NDUFS1: variants seen among roughly 807,000 people sequenced by gnomAD.
The protein encoded by NDUFS1 is NADH-ubiquinone oxidoreductase 75 kDa subunit, mitochondrial.
A neutral mutation model predicts 84.4 loss-of-function variants in NDUFS1; 61 were observed. The ratio of observed to expected loss-of-function variants is 0.72; its 90% CI spans 0.59 to 0.89. NDUFS1 has a LOEUF of 0.89. NDUFS1 is among the 40% of genes least tolerant of loss of function. The pLI is 0.00. For missense variants in NDUFS1, 891 were observed against 890.0 expected, an observed-to-expected ratio of 1.00 and a Z score of -0.01; for synonymous variants, 275 against 290.0, an observed-to-expected ratio of 0.95 and a Z score of 0.53.
chr2:206,125,060 G>A (rs1383972254), intron 18 of NDUFS1, among the ~76,000 whole-genome samples: 1 of 148,610 alleles, frequency 6.7e-6, no homozygotes, highest in Non-Finnish European at 1.5e-5. Flanking sequence ...TGCCCAGGCT[G>A]GTCTGAAACT....
At chr2:206,153,775 CATT>C in intron 1 of NDUFS1, 93 bp from the exon 2 acceptor site, 1 of 707,242 alleles carries the variant, frequency 1.4e-6, no homozygotes, top group Admixed American at 2.7e-5. Flanking sequence ...ATTTCACATA[CATT>C]ATGTCATTGA....
chr2:206,131,112 TTAAC>T (rs1691496333), intron 14 of NDUFS1, among the ~76,000 whole-genome samples: 1 of 152,204 alleles, frequency 6.6e-6, no homozygotes, highest in African/African-American at 2.4e-5. Context: ...TTGGTATTTG[TTAAC>T]TATCTAGAAA....
rs1453160854 is a variant in NDUFS1 at position 206,126,861 on chromosome 2, C to G, written c.1885-17G>C. 6.2e-7 allele frequency: 1 copy of G among 1,613,528 alleles called. No individual in the cohort carries two copies. The highest frequency in any genetic ancestry group is 8.5e-7 in the Non-Finnish European group (1 of 1,179,944). Reference sequence around the variant, plus strand: ...TCCAGCAATCTACAACATGTCAGGTCCCCAAAAACAACAAAAAGCTTTAAT... The same window carrying G: ...TCCAGCAATCTACAACATGTCAGGTGCCCAAAAACAACAAAAAGCTTTAAT... On this transcript the variant is annotated splice_polypyrimidine_tract_variant and intron_variant, in intron 16 of 18. Transcript: ENST00000233190.
chr2:206,133,695 A>C (rs1354988101), intron 13 of NDUFS1, among the ~76,000 whole-genome samples: 1 of 152,214 alleles, frequency 6.6e-6, no homozygotes, highest in African/African-American at 2.4e-5. Context: ...GTAAAGTTAT[A>C]GGCTGGGCAC....
Position 206,116,507 on chromosome 2 carries a change from AG to A in NDUFS1, c.*7677del. The A allele has an allele frequency of 8.4e-7, 1 of 1,191,620 alleles. No individual in the cohort carries two copies. The highest frequency in any genetic ancestry group is 1.2e-6 in the Non-Finnish European group (1 of 837,800). 73.8% of individuals were successfully genotyped at this position (1,191,620 alleles called of 1,614,324 possible). On this transcript the variant is annotated 3_prime_UTR_variant, in exon 19 of 19. Transcript: ENST00000233190. Reference sequence around the variant, plus strand: ...GCACCACTCGCAGCGCCATGTTCCCAGGGGTGCGGGGATGGCAGCGCTACGC... The same window carrying A: ...GCACCACTCGCAGCGCCATGTTCCCAGGGTGCGGGGATGGCAGCGCTACGC...
At chr2:206,157,519 G>A (rs1295530857) in intron 1 of NDUFS1, among the ~76,000 whole-genome samples, 2 of 152,034 alleles carry the variant, frequency 1.3e-5, no homozygotes, top group African/African-American at 4.8e-5. Flanking sequence ...AACTACTGAT[G>A]GCATAAATAT....
chr2:206,128,506 G>A (rs1691382710), intron 15 of NDUFS1, among the ~76,000 whole-genome samples: 1 of 151,208 alleles, frequency 6.6e-6, no homozygotes, highest in Non-Finnish European at 1.5e-5. Flanking sequence ...GGCCAGGTGT[G>A]GTGGCTCATG....
intron 1 of NDUFS1, among the ~76,000 whole-genome samples, chr2:206,154,231 C>A (rs983915741): frequency 6.6e-6 from 1 of 152,208 alleles, no homozygotes; most frequent in Admixed American, 6.5e-5. Context: ...TTTATAAGCC[C>A]GTTCTGCCCT....
At chr2:206,143,157 C>G (rs1692028342) in intron 10 of NDUFS1, among the ~76,000 whole-genome samples, 1 of 152,188 alleles carries the variant, frequency 6.6e-6, no homozygotes, top group Non-Finnish European at 1.5e-5. Flanking sequence ...GAGGATGAGG[C>G]AGGAGAACTG....
intron 12 of NDUFS1, among the ~76,000 whole-genome samples, chr2:206,140,021 C>T (rs1691875148): frequency 6.6e-6 from 1 of 150,818 alleles, no homozygotes; most frequent in South Asian, 2.1e-4. Context: ...TAAATATAAA[C>T]GTAGGCTTAT....
At position 206,154,232 on chromosome 2, in the gene NDUFS1, G is replaced by A. The variant is rs187930220; in HGVS notation, c.-4-550C>T. 1.8e-4 allele frequency among the ~76,000 whole-genome samples: 27 copies of A among 152,278 alleles called. No homozygotes were observed. In the East Asian group the frequency reaches 4.0e-3, roughly 23 times the overall value. Reference sequence around the variant, plus strand: ...TTTCCAATTATGTGTTTATAAGCCCGTTCTGCCCTCACTGCATTAATTCCT... The same window carrying A: ...TTTCCAATTATGTGTTTATAAGCCCATTCTGCCCTCACTGCATTAATTCCT... On this transcript the variant is annotated intron_variant, in intron 1 of 18. Transcript: ENST00000233190.
chr2:206,119,082 A>G lies in NDUFS1; in HGVS notation c.*5103T>C, dbSNP rs975927677. The G allele has an allele frequency of 6.6e-6, 1 of 152,290 alleles. No individual in the cohort carries two copies. Among genetic ancestry groups the G allele is most frequent in the Admixed American group, 6.5e-5 (1 of 15,284 alleles). 9.4% of individuals were successfully genotyped at this position (152,290 alleles called of 1,614,324 possible). ...CAGACTGGCAATACAGTGAGACTCA[A>G]TCTAAGATAAAACAAAGAAACAAAA... is the stretch of plus-strand genomic sequence containing the variant. On this transcript the variant is annotated 3_prime_UTR_variant, in exon 19 of 19. Coordinates refer to ENST00000233190, the MANE Select transcript of NDUFS1 (RefSeq NM_005006.7).
At chr2:206,153,808 T>G in intron 1 of NDUFS1, 126 bp from the exon 2 acceptor site, 1 of 643,204 alleles carries the variant, frequency 1.6e-6, no homozygotes, top group East Asian at 2.9e-5. Flanking sequence ...GGTTCTGATA[T>G]TTTCACTTAG....
chr2:206,127,823 A>G lies in NDUFS1; in HGVS notation c.1858T>C (p.Trp620Arg). 1 of 1,614,142 alleles carries G rather than the reference A, an allele frequency of 6.2e-7. No individual in the cohort carries two copies. The highest frequency in any genetic ancestry group is 8.5e-7 in the Non-Finnish European group (1 of 1,179,998). The change falls in exon 16 of 19, where the codon TGG (tryptophan) becomes CGG (arginine). Residue 620 changes from tryptophan (W) to arginine (R), a missense_variant. Physicochemically the swap from Trp to Arg is moderately radical, Grantham distance 101. Coordinates refer to ENST00000233190, the MANE Select transcript of NDUFS1 (RefSeq NM_005006.7). Reference protein sequence around the residue: ...VTPPGLAREDWKIIRALSEIA... With the variant: ...VTPPGLAREDRKIIRALSEIA... ...TCAGAGAGTGCTCTTATAATTTTCC[A>G]GTCTTCTCTTGCCAAGCCAGGAGGT... is the stretch of plus-strand genomic sequence containing the variant.
chr2:206,149,226 T>C (rs1184696001), intron 4 of NDUFS1, 130 bp from the exon 5 acceptor site: 3 of 725,868 alleles, frequency 4.1e-6, no homozygotes, highest in African/African-American at 3.6e-5. Flanking sequence ...AAGAATAGGG[T>C]ATTTTTTAAA....
In NDUFS1 at chr2:206,127,977, A is replaced by G. The variant is rs1691359252; in HGVS notation, c.1709-5T>C. ...CCCCAACATCACCATGATGTCCTGC[A>G]CAAAGATGGAAAATGGTAAACCAAA... On this transcript the variant is annotated splice_polypyrimidine_tract_variant and splice_region_variant and intron_variant, in intron 15 of 18. Transcript: ENST00000233190. The G allele has an allele frequency of 6.2e-7, 1 of 1,614,076 alleles. No homozygotes were observed. Among genetic ancestry groups the G allele is most frequent in the Non-Finnish European group, 8.5e-7 (1 of 1,179,970 alleles).
chr2:206,122,280 A>G lies in NDUFS1; in HGVS notation c.*1905T>C, dbSNP rs1691118648. On this transcript the variant is annotated 3_prime_UTR_variant, in exon 19 of 19. Coordinates refer to ENST00000233190, the MANE Select transcript of NDUFS1 (RefSeq NM_005006.7). ...GTGAGCCACTGCACCTGCTGTTTTT[A>G]AAGATATTGTAACATACTATTATTC... 1 of 151,644 alleles carries G rather than the reference A, an allele frequency of 6.6e-6. No homozygotes were observed. The highest frequency in any genetic ancestry group is 1.5e-5 in the Non-Finnish European group (1 of 67,960). 9.4% of individuals were successfully genotyped at this position (151,644 alleles called of 1,614,324 possible). A position where few individuals can be genotyped will look rare whatever the true frequency, so the allele number is the denominator to read the frequency against.
chr2:206,135,578 C>T (rs1360418125), intron 13 of NDUFS1, among the ~76,000 whole-genome samples: 1 of 151,388 alleles, frequency 6.6e-6, no homozygotes, highest in Admixed American at 6.6e-5. Flanking sequence ...GAGGCTGAGG[C>T]AAGAATCGCT....
rs1350473439 is a variant in NDUFS1 at position 206,117,008 on chromosome 2, G to A, written c.*7177C>T. 2 of 151,928 alleles carry A rather than the reference G, an allele frequency of 1.3e-5. No individual in the cohort carries two copies. The highest frequency in any genetic ancestry group is 2.9e-5 in the Non-Finnish European group (2 of 68,038). 9.4% of individuals were successfully genotyped at this position (151,928 alleles called of 1,614,324 possible). On this transcript the variant is annotated 3_prime_UTR_variant, in exon 19 of 19. Coordinates refer to ENST00000233190, the MANE Select transcript of NDUFS1 (RefSeq NM_005006.7). Reference sequence around the variant, plus strand: ...CACTTCAGCCTGGGCGACAAACTGAGACTCCGTCTCAGAAAAAAAAAATAA... The same window carrying A: ...CACTTCAGCCTGGGCGACAAACTGAAACTCCGTCTCAGAAAAAAAAAATAA...
Sources: gnomAD v4.1 joint callset for allele counts (sites outside exome capture counted in the v4.1 genomes callset) on GRCh38, gnomAD v4.1.1 for gene constraint, MANE v1.5 for transcripts, NCBI Gene and HGNC (gene_info 2026-07-23, HGNC 2026-07-21) for gene names.